The following RALYL variants were observed in gnomAD, a reference collection of about 807,000 sequenced individuals.
RALYL encodes the protein RALY RNA binding protein like.
A neutral mutation model predicts 35.1 loss-of-function variants in RALYL; 29 were observed. That is an observed-to-expected ratio of 0.83 (90% CI 0.61 to 1.13). The LOEUF (loss-of-function observed/expected upper bound fraction) is 1.13, where lower values mean the gene tolerates loss of function less well. RALYL is among the 50% of genes most tolerant of loss of function. The pLI, the probability that RALYL is intolerant of heterozygous loss-of-function variation, is 0.00. For missense variants in RALYL, 359 were observed against 360.4 expected, an observed-to-expected ratio of 1.00 and a Z score of 0.03; for synonymous variants, 120 against 127.6, an observed-to-expected ratio of 0.94 and a Z score of 0.40.
At chr8:84,584,342 C>T (rs1811508900) in intron 2 of RALYL, among the ~76,000 whole-genome samples, 1 of 152,140 alleles carries the variant, frequency 6.6e-6, no homozygotes, top group African/African-American at 2.4e-5. Flanking sequence ...TGGTGGCTCA[C>T]ACCTGTAATC....
intron 1 of RALYL, among the ~76,000 whole-genome samples, chr8:84,353,021 A>G (rs1851203400): frequency 6.7e-6 from 1 of 150,246 alleles, no homozygotes; most frequent in Admixed American, 6.6e-5. Flanking sequence ...TTTCCAGGAC[A>G]CCTGCGGACT....
chr8:84,424,317 T>C (rs1341413437), intron 1 of RALYL, among the ~76,000 whole-genome samples: 1 of 119,928 alleles, frequency 8.3e-6, no homozygotes, highest in Non-Finnish European at 1.7e-5. Flanking sequence ...CCATTGCTGA[T>C]ACCCTTTCTT....
intron 1 of RALYL, among the ~76,000 whole-genome samples, chr8:84,386,800 C>A (rs182623607): frequency 1.4e-3 from 209 of 151,976 alleles, no homozygotes; most frequent in African/African-American, 4.5e-3. Flanking sequence ...CTGTCCTGTT[C>A]TTGCTAGTTC....
chr8:84,667,187 T>C (rs1427310881), intron 2 of RALYL, among the ~76,000 whole-genome samples: 1 of 152,080 alleles, frequency 6.6e-6, no homozygotes, highest in Non-Finnish European at 1.5e-5. Context: ...ACTTTTTTTT[T>C]CTCCTTGCCT....
At chr8:84,884,098 G>A (rs1243536429) in intron 7 of RALYL, among the ~76,000 whole-genome samples, 1 of 151,944 alleles carries the variant, frequency 6.6e-6, no homozygotes, top group East Asian at 1.9e-4. Flanking sequence ...GAGGGGTACG[G>A]AGCACATCAA....
intron 2 of RALYL, among the ~76,000 whole-genome samples, chr8:84,697,281 G>A (rs140563921): frequency 9.5e-4 from 145 of 151,932 alleles, no homozygotes; most frequent in African/African-American, 3.2e-3. Flanking sequence ...CATAGTATTG[G>A]TCTTTGTCTA....
intron 1 of RALYL, among the ~76,000 whole-genome samples, chr8:84,279,123 G>A (rs1038229403): frequency 1.3e-5 from 2 of 152,168 alleles, no homozygotes; most frequent in Non-Finnish European, 2.9e-5. Flanking sequence ...ATGGCAGCAG[G>A]CAAGAGAGCA....
intron 4 of RALYL, among the ~76,000 whole-genome samples, chr8:84,838,480 C>T (rs1323386135): frequency 1.3e-5 from 2 of 152,208 alleles, no homozygotes; most frequent in Non-Finnish European, 2.9e-5. Flanking sequence ...GAGCCAACTA[C>T]TGCCATGACA....
chr8:84,526,978 G>A (rs1232985473), intron 1 of RALYL, among the ~76,000 whole-genome samples: 3 of 152,040 alleles, frequency 2.0e-5, no homozygotes, highest in African/African-American at 4.8e-5. Context: ...TTACTCCATC[G>A]TGGCTGAAAG....
chr8:84,711,563 C>A lies in RALYL; in HGVS notation c.257-63016C>A, dbSNP rs553374808. On this transcript the variant is annotated intron_variant, in intron 2 of 8. Transcript: ENST00000521268. Reference sequence around the variant, plus strand: ...ATTAAGTCTACCTCTCTTTAAAAATCTTCCTATGAGAAAAAGTAAATTTAC... The same window carrying A: ...ATTAAGTCTACCTCTCTTTAAAAATATTCCTATGAGAAAAAGTAAATTTAC... Among the ~76,000 whole-genome samples, 3 of 152,158 alleles carry A rather than the reference C, an allele frequency of 2.0e-5. No individual in the cohort carries two copies. In the East Asian group the frequency reaches 5.8e-4, roughly 29 times the overall value.
At chr8:84,478,678 C>G (rs1354687774) in intron 1 of RALYL, among the ~76,000 whole-genome samples, 1 of 152,074 alleles carries the variant, frequency 6.6e-6, no homozygotes, top group Non-Finnish European at 1.5e-5. Flanking sequence ...GGTAACCACA[C>G]ATCTTTTCAT....
Position 84,734,905 on chromosome 8 carries a change from G to A in RALYL, c.257-39674G>A, listed in dbSNP as rs181809003. Among the ~76,000 whole-genome samples, 205 of 151,736 alleles carry A rather than the reference G, an allele frequency of 1.4e-3. 1 individual carries two copies. The highest frequency in any genetic ancestry group is 4.7e-3 in the African/African-American group (193 of 41,380). On this transcript the variant is annotated intron_variant, in intron 2 of 8. Coordinates refer to ENST00000521268, the MANE Select transcript of RALYL (RefSeq NM_173848.7). ...AAATTAGTTTCAAATTTAAAACATG[G>A]GTTTGCAGAAGACTAATATGAATAA... is the stretch of plus-strand genomic sequence containing the variant.
chr8:84,672,780 A>G (rs558598882), intron 2 of RALYL, among the ~76,000 whole-genome samples: 6 of 152,268 alleles, frequency 3.9e-5, no homozygotes, highest in Non-Finnish European at 7.4e-5. Context: ...ACCTGCCCCC[A>G]TGATGCAGTT....
At chr8:84,555,143 G>A (rs2061016834) in intron 2 of RALYL, among the ~76,000 whole-genome samples, 1 of 152,112 alleles carries the variant, frequency 6.6e-6, no homozygotes, top group Admixed American at 6.5e-5. Flanking sequence ...GCCGGGCGTG[G>A]TGGCACACGC....
At chr8:84,895,072 G>A (rs757480183) in intron 8 of RALYL, among the ~76,000 whole-genome samples, 3 of 152,198 alleles carry the variant, frequency 2.0e-5, no homozygotes, top group Non-Finnish European at 4.4e-5. Context: ...GCTTGGCACA[G>A]AGTAGGCATT....
chr8:84,745,191 C>A (rs548311869), intron 2 of RALYL, among the ~76,000 whole-genome samples: 1 of 151,924 alleles, frequency 6.6e-6, no homozygotes, highest in East Asian at 1.9e-4. Flanking sequence ...CCTCCCTCTA[C>A]TCCTTCACAT....
intron 1 of RALYL, among the ~76,000 whole-genome samples, chr8:84,256,274 T>C (rs1265290729): frequency 6.6e-6 from 1 of 152,166 alleles, no homozygotes; most frequent in Non-Finnish European, 1.5e-5. Context: ...TTCAGGTTTG[T>C]CTCTTAACAT....
At chr8:84,251,087 A>T (rs1413479978) in intron 1 of RALYL, among the ~76,000 whole-genome samples, 4 of 152,142 alleles carry the variant, frequency 2.6e-5, no homozygotes, top group South Asian at 2.1e-4. Flanking sequence ...TCTAAGAAAC[A>T]TTTACAAGTT....
chr8:84,559,619 C>T (rs994624454), intron 2 of RALYL, among the ~76,000 whole-genome samples: 33 of 151,562 alleles, frequency 2.2e-4, no homozygotes, highest in East Asian at 1.4e-3. Flanking sequence ...TCAGGAATGG[C>T]GTAATAGAAT....
Sources: allele counts gnomAD v4.1 joint callset (sites outside exome capture counted in the v4.1 genomes callset), GRCh38; gene constraint gnomAD v4.1.1; transcripts MANE v1.5; gene names NCBI Gene and HGNC (gene_info 2026-07-23, HGNC 2026-07-21).